Variants in CD300LF observed in about 807,000 individuals in gnomAD.
CD300LF encodes the protein CMRF35-like molecule 1.
In CD300LF, 27 loss-of-function variants were observed where a neutral mutation model predicts 32.2. The ratio of observed to expected loss-of-function variants is 0.84; its 90% confidence interval spans 0.62 to 1.15. CD300LF has a LOEUF of 1.15. CD300LF is among the 50% of genes most tolerant of loss of function. The pLI is 0.00. For missense variants in CD300LF, 348 were observed against 356.8 expected (o/e 0.98, Z 0.20); for synonymous variants, 139 against 143.2 (o/e 0.97, Z 0.21).
At chr17:74,710,496 C>T (rs1012163071) in intron 1 of CD300LF, among the ~76,000 whole-genome samples, 3 of 152,066 alleles carry the variant, frequency 2.0e-5, no homozygotes, top group Non-Finnish European at 2.9e-5. Flanking sequence ...TGCTCATTTA[C>T]ATTAGCAATA....
chr17:74,700,732 A>C (rs1433929214), intron 3 of CD300LF, among the ~76,000 whole-genome samples: 1 of 152,140 alleles, frequency 6.6e-6, no homozygotes, highest in East Asian at 1.9e-4. Flanking sequence ...AGCATGGGTG[A>C]CAGAGCAACA....
intron 3 of CD300LF, chr17:74,698,720 G>A: frequency 1.0e-6 from 1 of 999,484 alleles, no homozygotes. Context: ...TGGAGGGTGG[G>A]AGGAAGCAAA....
At chr17:74,697,722 C>G (rs532942554) in intron 4 of CD300LF, among the ~76,000 whole-genome samples, 2 of 151,978 alleles carry the variant, frequency 1.3e-5, no homozygotes, top group Non-Finnish European at 2.9e-5. Flanking sequence ...TAGACTCCTG[C>G]GCCAAGAGGC....
rs374495431 is a variant in CD300LF at position 74,712,808 on chromosome 17, A to G, written c.43+16T>C. On this transcript the variant is annotated intron_variant, in intron 1 of 6. Coordinates refer to ENST00000326165, the MANE Select transcript of CD300LF (RefSeq NM_139018.5). ...TTGCTAAGCTTCCCCAAGAAGACAG[A>G]CCCAGGCCCGCTCACCTGAGAGCCA... 5.6e-6 allele frequency: 9 copies of G among 1,613,734 alleles called. No individual in the cohort carries two copies. The African/African-American group carries it at 1.2e-4, about 22-fold the overall frequency.
intron 4 of CD300LF, among the ~76,000 whole-genome samples, chr17:74,697,816 C>A (rs1019183462): frequency 2.5e-4 from 38 of 152,138 alleles, no homozygotes; most frequent in Admixed American, 1.3e-4. Context: ...GAAGGAAAGG[C>A]CATTCCAATT....
chr17:74,709,192 C>A (rs2033771288), intron 1 of CD300LF, among the ~76,000 whole-genome samples: 2 of 151,708 alleles, frequency 1.3e-5, no homozygotes, highest in Non-Finnish European at 1.5e-5. Flanking sequence ...CCACTGCACT[C>A]CAGCCTGGAG....
intron 1 of CD300LF, among the ~76,000 whole-genome samples, chr17:74,709,542 A>G (rs2033795195): frequency 1.3e-5 from 2 of 152,078 alleles, no homozygotes; most frequent in African/African-American, 4.8e-5. Context: ...CTTTTAGGAC[A>G]CCATAAACCA....
Position 74,694,769 on chromosome 17 carries a change from C to T in CD300LF, c.*327G>A, listed in dbSNP as rs150630771. On this transcript the variant is annotated 3_prime_UTR_variant, in exon 7 of 7. Coordinates refer to ENST00000326165, the MANE Select transcript of CD300LF (RefSeq NM_139018.5). ...ATGTGGTAGGCAATAAATAAAGGTT[C>T]ATTGTATTACGATAATGGTACTTCA... The T allele has an allele frequency of 2.6e-4, 56 of 217,744 alleles. No homozygotes were observed. Among genetic ancestry groups the T allele is most frequent in the African/African-American group, 1.2e-3 (51 of 43,772 alleles). 13.5% of individuals were successfully genotyped at this position (217,744 alleles called of 1,614,324 possible). A position where few individuals can be genotyped will look rare whatever the true frequency, so the allele number is the denominator to read the frequency against.
rs377427908 is a variant in CD300LF at position 74,698,475 on chromosome 17, C to G, written c.453G>C (p.Lys151Asn). The change falls in exon 4 of 7, where the codon AAG becomes AAC. Residue 151 changes from lysine to asparagine, a missense_variant. Physicochemically the swap from Lys to Asn is moderately conservative, Grantham distance 94 (BLOSUM62 0). Coordinates refer to ENST00000326165, the MANE Select transcript of CD300LF (RefSeq NM_139018.5). The stretch of plus-strand genomic sequence containing the variant: ...GCAGGAGGACACTGAGCTTCAGGAG[C>G]TTGTGCCTAGAAACAATGGCAAGCG... Reference protein sequence around the residue: ...LTGHHLDNRHKLLKLSVLLPL... With the variant: ...LTGHHLDNRHNLLKLSVLLPL... The G allele has an allele frequency of 5.0e-5, 80 of 1,613,528 alleles. No homozygotes were observed. Among genetic ancestry groups the G allele is most frequent in the Non-Finnish European group, 6.7e-5 (79 of 1,179,748 alleles).
chr17:74,711,949 T>C (rs4789093), intron 1 of CD300LF, among the ~76,000 whole-genome samples: 134,213 of 145,264 alleles, frequency 0.92, 62,259 homozygotes, highest in Non-Finnish European at 0.96. Flanking sequence ...CTGTCACCCA[T>C]GCTGGAAGGC....
At chr17:74,706,991 A>G (rs886862377) in intron 1 of CD300LF, among the ~76,000 whole-genome samples, 6 of 152,238 alleles carry the variant, frequency 3.9e-5, no homozygotes, top group Non-Finnish European at 8.8e-5. Context: ...ATCAACTCAC[A>G]ATAGAGAAGA....
In CD300LF at chr17:74,704,593, G is replaced by C. The variant is rs986204376; in HGVS notation, c.267C>G (p.Arg89=). The change falls in exon 2 of 7, where the codon CGC becomes CGG. Residue 89 remains arginine, a synonymous_variant. Transcript: ENST00000326165. ...RVSIKDNQKN[R]TFTVTMEDLM... ...GATCCTCCATGGTCACAGTGAACGTGCGGTTTTTCTGATTGTCCTTGATGG... is the reference window on the plus strand; with the variant it reads ...GATCCTCCATGGTCACAGTGAACGTCCGGTTTTTCTGATTGTCCTTGATGG... 8 of 1,614,142 alleles carry C rather than the reference G, an allele frequency of 5.0e-6. No individual in the cohort carries two copies. The highest frequency in any genetic ancestry group is 6.8e-6 in the Non-Finnish European group (8 of 1,180,022).
At chr17:74,698,719 G>T in intron 3 of CD300LF, 1 of 998,958 alleles carries the variant, frequency 1.0e-6, no homozygotes, top group Non-Finnish European at 1.4e-6. Flanking sequence ...ATGGAGGGTG[G>T]GAGGAAGCAA....
chr17:74,711,626 C>G (rs962903895), intron 1 of CD300LF, among the ~76,000 whole-genome samples: 1 of 152,164 alleles, frequency 6.6e-6, no homozygotes, highest in Admixed American at 6.5e-5. Context: ...GTGCCCAGTC[C>G]AAGCTCATTC....
In CD300LF at chr17:74,704,628, C is replaced by T. The variant is rs1288119083; in HGVS notation, c.232G>A (p.Asp78Asn). ...TGATTGTCCTTGATGGACACCCGGTCCCTCTTCACCTCCTGCTCTGACCCA... is the reference window on the plus strand; with the variant it reads ...TGATTGTCCTTGATGGACACCCGGTTCCTCTTCACCTCCTGCTCTGACCCA... ...TSGSEQEVKR[D>N]RVSIKDNQKN... Residue 78 changes from aspartate (D) to asparagine (N), a missense_variant, in exon 2 of 7, where the codon GAC (aspartate) becomes AAC (asparagine). Asp to Asn is a conservative substitution (Grantham distance 23). Transcript: ENST00000326165. The T allele has an allele frequency of 6.2e-7, 1 of 1,614,180 alleles. No homozygotes were observed. The highest frequency in any genetic ancestry group is 1.7e-5 in the Admixed American group (1 of 60,006).
Position 74,704,608 on chromosome 17 carries a change from G to A in CD300LF, c.252C>T (p.Asp84=), listed in dbSNP as rs2143777700. 3 of 1,614,154 alleles carry A rather than the reference G, an allele frequency of 1.9e-6. No individual in the cohort carries two copies. Among genetic ancestry groups the A allele is most frequent in the South Asian group, 1.1e-5 (1 of 91,076 alleles). The stretch of plus-strand genomic sequence containing the variant: ...CAGTGAACGTGCGGTTTTTCTGATT[G>A]TCCTTGATGGACACCCGGTCCCTCT... ...EVKRDRVSIK[D]NQKNRTFTVT... is the part of the protein sequence containing the mutation. The change falls in exon 2 of 7, where the codon GAC becomes GAT. Residue 84 remains aspartate (D), a synonymous_variant. Coordinates refer to ENST00000326165, the MANE Select transcript of CD300LF (RefSeq NM_139018.5).
intron 3 of CD300LF, among the ~76,000 whole-genome samples, chr17:74,699,385 C>T (rs2032825507): frequency 6.6e-6 from 1 of 152,158 alleles, no homozygotes. Context: ...GAATTCACAT[C>T]CACTCAGACC....
intron 1 of CD300LF, among the ~76,000 whole-genome samples, chr17:74,708,112 C>T (rs1188195312): frequency 6.8e-6 from 1 of 146,476 alleles, no homozygotes; most frequent in African/African-American, 2.5e-5. Flanking sequence ...CACATCACTG[C>T]ACTCCAGGCT....
In CD300LF at chr17:74,704,776, C is replaced by T. The variant is rs1163200152; in HGVS notation, c.84G>A (p.Val28=). 4.3e-6 allele frequency: 7 copies of T among 1,613,984 alleles called. No individual in the cohort carries two copies. The highest frequency in any genetic ancestry group is 5.9e-6 in the Non-Finnish European group (7 of 1,179,988). Residue 28 remains valine, a synonymous_variant, in exon 2 of 7, where the codon GTG becomes GTA. Transcript: ENST00000326165. The part of the protein sequence containing the change: ...IVTQITGPTT[V]NGLERGSLTV... ...TCAAGGAGCCCCGCTCCAAGCCATT[C>T]ACTGTTGTTGGACCGGTGATTTGAG...
Sources: gnomAD v4.1 joint callset for allele counts (sites outside exome capture counted in the v4.1 genomes callset) on GRCh38, gnomAD v4.1.1 for gene constraint, MANE v1.5 for transcripts, NCBI Gene and HGNC (gene_info 2026-07-23, HGNC 2026-07-21) for gene names.